Variants in GPC5 observed in about 807,000 individuals in gnomAD.
GPC5 encodes glypican 5.
In GPC5, 47 loss-of-function variants were observed where a neutral mutation model predicts 53.9. That is an observed-to-expected ratio of 0.87 (90% CI 0.69 to 1.11). The LOEUF is 1.11. Among genes scored for constraint, GPC5 ranks in the 50% most tolerant of loss-of-function variants. The pLI is 0.00. For missense variants in GPC5, 748 were observed against 713.1 expected (o/e 1.05, Z -0.56); for synonymous variants, 286 against 263.3 (o/e 1.09, Z -0.84).
At chr13:92,703,641 G>A (rs1288576046) in intron 7 of GPC5, among the ~76,000 whole-genome samples, 1 of 149,578 alleles carries the variant, frequency 6.7e-6, no homozygotes, top group Admixed American at 6.7e-5. Flanking sequence ...ATATTTATAA[G>A]ATGTTATAAG....
chr13:92,685,758 T>C (rs920945880), intron 7 of GPC5, among the ~76,000 whole-genome samples: 1 of 106,826 alleles, frequency 9.4e-6, no homozygotes, highest in African/African-American at 3.9e-5. Context: ...TTCCCCTTCC[T>C]GTGTCCAAGT....
chr13:92,749,875 C>A (rs1889336286), intron 7 of GPC5, among the ~76,000 whole-genome samples: 2 of 151,992 alleles, frequency 1.3e-5, no homozygotes, highest in Non-Finnish European at 2.9e-5. Flanking sequence ...TAGGGAGTTG[C>A]AAAAAATTAG....
intron 5 of GPC5, among the ~76,000 whole-genome samples, chr13:91,888,984 G>T (rs2039355984): frequency 6.6e-6 from 1 of 152,200 alleles, no homozygotes; most frequent in Admixed American, 6.5e-5. Context: ...TGAGACCTGG[G>T]CCGCTGGAGT....
intron 2 of GPC5, among the ~76,000 whole-genome samples, chr13:91,628,416 A>T (rs1256701472): frequency 6.6e-6 from 1 of 152,094 alleles, no homozygotes; most frequent in Non-Finnish European, 1.5e-5. Context: ...CTCATGTGTT[A>T]TTTCAGGTAG....
intron 2 of GPC5, among the ~76,000 whole-genome samples, chr13:91,669,243 C>T (rs912352196): frequency 3.9e-5 from 6 of 152,126 alleles, no homozygotes; most frequent in Non-Finnish European, 5.9e-5. Context: ...ATGTGCATTA[C>T]GAGCACACTG....
chr13:92,322,758 T>C (rs2043224523), intron 7 of GPC5, among the ~76,000 whole-genome samples: 2 of 152,286 alleles, frequency 1.3e-5, no homozygotes, highest in East Asian at 1.9e-4. Flanking sequence ...ATTTATGTCA[T>C]GAAGAAAATG....
chr13:92,274,757 C>T (rs532717415), intron 7 of GPC5, among the ~76,000 whole-genome samples: 11 of 150,888 alleles, frequency 7.3e-5, no homozygotes, highest in South Asian at 2.1e-4. Flanking sequence ...GCTGAGGAGA[C>T]GACAACAGAG....
intron 2 of GPC5, among the ~76,000 whole-genome samples, chr13:91,626,663 A>AT (rs1011023289): frequency 2.9e-4 from 44 of 151,550 alleles, no homozygotes; most frequent in African/African-American, 9.7e-4. Context: ...TTATTTTTTT[A>AT]TTTGTTTATA....
intron 6 of GPC5, among the ~76,000 whole-genome samples, chr13:92,054,294 T>C (rs2041057051): frequency 6.6e-6 from 1 of 151,936 alleles, no homozygotes; most frequent in Admixed American, 6.6e-5. Context: ...AAAAAAAAGT[T>C]ATATTCTTGT....
intron 7 of GPC5, among the ~76,000 whole-genome samples, chr13:92,250,562 G>A (rs1594037227): frequency 1.3e-5 from 2 of 152,028 alleles, no homozygotes; most frequent in East Asian, 3.9e-4. Flanking sequence ...AGTCCTCAAA[G>A]TTGCAGGCCA....
chr13:92,222,397 A>T (rs1341939479), intron 7 of GPC5, among the ~76,000 whole-genome samples: 2 of 152,234 alleles, frequency 1.3e-5, no homozygotes, highest in Non-Finnish European at 2.9e-5. Context: ...AACTGAGACG[A>T]TAGAAATTAG....
At chr13:92,351,712 A>G (rs2043479200) in intron 7 of GPC5, among the ~76,000 whole-genome samples, 1 of 152,174 alleles carries the variant, frequency 6.6e-6, no homozygotes, top group Admixed American at 6.5e-5. Context: ...TTCTATACAA[A>G]GGCAGCAAAC....
chr13:92,155,090 T>C (rs1196216846), intron 7 of GPC5, among the ~76,000 whole-genome samples: 1 of 152,174 alleles, frequency 6.6e-6, no homozygotes, highest in Non-Finnish European at 1.5e-5. Flanking sequence ...TGCTCACTAT[T>C]TGCTTTTATA....
intron 6 of GPC5, among the ~76,000 whole-genome samples, chr13:91,950,835 G>C (rs1249233858): frequency 6.6e-6 from 1 of 152,032 alleles, no homozygotes; most frequent in East Asian, 1.9e-4. Context: ...ATTGACATTG[G>C]GGCACAAAGA....
chr13:92,726,216 T>C (rs1888643344), intron 7 of GPC5, among the ~76,000 whole-genome samples: 1 of 151,574 alleles, frequency 6.6e-6, no homozygotes, highest in Non-Finnish European at 1.5e-5. Context: ...GTTTAGGCAC[T>C]CTTCCCATCA....
In GPC5 at chr13:92,527,152, GAAAGAAAGAA is replaced by G. The variant is rs1881332709; in HGVS notation, c.1562-339128_1562-339119del. On this transcript the variant is annotated intron_variant, in intron 7 of 7. Coordinates refer to ENST00000377067, the MANE Select transcript of GPC5 (RefSeq NM_004466.6). The stretch of plus-strand genomic sequence containing the variant: ...AGAAAGAAAGAAAGAAAGAAAGAAA[GAAAGAAAGAA>G]AGAAAGAAAGAGAAAGAAAGAAGAA... Among the ~76,000 whole-genome samples, 13 of 110,360 alleles carry G rather than the reference GAAAGAAAGAA, an allele frequency of 1.2e-4. 1 individual carries two copies. In the Admixed American group the frequency reaches 1.2e-3, roughly 10 times the overall value. The allele number at this position is 110,360 out of a possible 152,430, so 72.4% of individuals were successfully genotyped here. A position where few individuals can be genotyped will look rare whatever the true frequency, so the allele number is the denominator to read the frequency against.
intron 3 of GPC5, among the ~76,000 whole-genome samples, chr13:91,709,656 A>G (rs2036184262): frequency 6.6e-6 from 1 of 152,188 alleles, no homozygotes; most frequent in African/African-American, 2.4e-5. Context: ...CTTCTCTTTT[A>G]CAGCATTTTG....
At chr13:91,476,487 A>C (rs1296220917) in intron 2 of GPC5, among the ~76,000 whole-genome samples, 2 of 152,242 alleles carry the variant, frequency 1.3e-5, no homozygotes, top group African/African-American at 2.4e-5. Flanking sequence ...AAATAAAGTC[A>C]AAATCTTTTA....
At position 91,572,059 on chromosome 13, in the gene GPC5, A is replaced by ATACATGTATATACACACATATGTATATG. The variant is rs1375734279; in HGVS notation, c.326-121120_326-121093dup. On this transcript the variant is annotated intron_variant, in intron 2 of 7. Transcript: ENST00000377067. ...TGTGTATATACACACATATGTATAT[A>ATACATGTATATACACACATATGTATATG]TACATGTATATACACACATATGTAT... is the stretch of plus-strand genomic sequence containing the variant. Among the ~76,000 whole-genome samples, 13 of 144,392 alleles carry ATACATGTATATACACACATATGTATATG rather than the reference A, an allele frequency of 9.0e-5. 1 individual carries two copies. The highest frequency in any genetic ancestry group is 4.2e-4 in the South Asian group (2 of 4,716). 94.7% of individuals were successfully genotyped at this position (144,392 alleles called of 152,430 possible).
Sources: allele counts gnomAD v4.1 joint callset (sites outside exome capture counted in the v4.1 genomes callset), GRCh38; gene constraint gnomAD v4.1.1; transcripts MANE v1.5; gene names NCBI Gene and HGNC (gene_info 2026-07-23, HGNC 2026-07-21).